SLC10A4: variants seen among roughly 807,000 people sequenced by gnomAD.
SLC10A4 encodes solute carrier family 10 member 4.
A neutral mutation model predicts 22.5 loss-of-function variants in SLC10A4; 17 were observed. The observed-to-expected ratio is 0.76, with a 90% CI of 0.52 to 1.14. The LOEUF is 1.14. SLC10A4 is among the 50% of genes most tolerant of loss of function. SLC10A4 has a pLI of 0.00. For missense variants in SLC10A4, 548 were observed against 584.0 expected, an observed-to-expected ratio of 0.94 and a Z score of 0.64; for synonymous variants, 257 against 258.2, an observed-to-expected ratio of 1.00 and a Z score of 0.04.
rs1378132287 is a variant in SLC10A4, at chr4:48,483,710, TCGGGCC to T, written c.150_155del (p.Gly53_Pro54del). ...GCCGGCCCCGGCCCTGGGCTCAGCC[TCGGGCC>T]GGGTCCGAGCTTCGGCTTCAGCCCC... On this transcript the variant is annotated inframe_deletion, in exon 1 of 3. Transcript: ENST00000273861. This position sits in a 1 kb window ranked among gnomAD's most constrained non-coding sequence, Gnocchi z 5.4. The T allele has an allele frequency of 7.0e-7, 1 of 1,430,474 alleles. No homozygotes were observed. Among genetic ancestry groups the T allele is most frequent in the Non-Finnish European group, 9.1e-7 (1 of 1,100,534 alleles). The allele number at this position is 1,430,474 out of a possible 1,614,324, so 88.6% of individuals were successfully genotyped here.
In SLC10A4 at chr4:48,489,304, G is replaced by T; in HGVS notation, c.*365G>T. The T allele has an allele frequency of 1.2e-5, 2 of 171,670 alleles. No homozygotes were observed. Among genetic ancestry groups the T allele is most frequent in the East Asian group, 1.6e-4 (1 of 6,156 alleles). The allele number at this position is 171,670 out of a possible 1,614,324, so 10.6% of individuals were successfully genotyped here. ...CAAGCTATCTTTGTAAAGCATAATTGAGTTTAATGTAATTGTTGTAAAAAA... is the reference window on the plus strand; with the variant it reads ...CAAGCTATCTTTGTAAAGCATAATTTAGTTTAATGTAATTGTTGTAAAAAA... On this transcript the variant is annotated 3_prime_UTR_variant, in exon 3 of 3. Coordinates refer to ENST00000273861, the MANE Select transcript of SLC10A4 (RefSeq NM_152679.4).
At chr4:48,485,230 C>G (rs1436065655) in intron 2 of SLC10A4, 88 bp downstream of exon 2, 3 of 1,380,714 alleles carry the variant, frequency 2.2e-6, no homozygotes, top group East Asian at 2.3e-5. Context: ...TTGGAGAAGG[C>G]GGAAAGGAAG....
In SLC10A4 at chr4:48,488,521, C is replaced by G; in HGVS notation, c.896C>G (p.Ala299Gly). Reference sequence around the variant, plus strand: ...GAACTGCTGGCAAGTATCCCTGCAGCTGTTTATGTGATAGCAATTTTTATG... The same window carrying G: ...GAACTGCTGGCAAGTATCCCTGCAGGTGTTTATGTGATAGCAATTTTTATG... ...GPELLASIPA[A>G]VYVIAIFMPL... The change falls in exon 3 of 3, where the codon GCT becomes GGT. Residue 299 changes from alanine to glycine, a missense_variant. Physicochemically the swap from Ala to Gly is moderately conservative, Grantham distance 60. This residue lies in a region of SLC10A4 where 314 missense variants were observed against 353.2 expected (regional missense o/e 0.89). Coordinates refer to ENST00000273861, the MANE Select transcript of SLC10A4 (RefSeq NM_152679.4). 6.2e-7 allele frequency: 1 copy of G among 1,613,864 alleles called. No individual in the cohort carries two copies. The highest frequency in any genetic ancestry group is 8.5e-7 in the Non-Finnish European group (1 of 1,179,984).
Position 48,485,037 on chromosome 4 carries a change from A to G in SLC10A4, c.696A>G (p.Leu232=). 1 of 1,613,644 alleles carries G rather than the reference A, an allele frequency of 6.2e-7. No homozygotes were observed. The highest frequency in any genetic ancestry group is 8.5e-7 in the Non-Finnish European group (1 of 1,179,938). Residue 232 remains leucine, a synonymous_variant, in exon 2 of 3, where the codon CTA becomes CTG. Coordinates refer to ENST00000273861, the MANE Select transcript of SLC10A4 (RefSeq NM_152679.4). ...AWINTPIVQL[L]PLGTVTLTLC... ...TCAACACCCCTATCGTGCAGTTACT[A>G]CCCCTAGGGACCGTGACCCTGACTC...
chr4:48,487,788 CTTTTTTTTTT>C (rs35831946), intron 2 of SLC10A4, among the ~76,000 whole-genome samples: 9 of 39,798 alleles, frequency 2.3e-4, no homozygotes, highest in East Asian at 7.8e-4. Flanking sequence ...TTTTGAAGAG[CTTTTTTTTTT>C]TTTTTTTTTT....
intron 2 of SLC10A4, among the ~76,000 whole-genome samples, chr4:48,486,114 G>A (rs1342624595): frequency 6.6e-6 from 1 of 152,020 alleles, no homozygotes; most frequent in East Asian, 1.9e-4. Context: ...CCACCCTAAT[G>A]TTTCAATTAT....
At position 48,488,753 on chromosome 4, in the gene SLC10A4, G is replaced by T. The variant is rs1335419928; in HGVS notation, c.1128G>T (p.Gly376=). 6.2e-7 allele frequency: 1 copy of T among 1,613,896 alleles called. No homozygotes were observed. The highest frequency in any genetic ancestry group is 1.3e-5 in the African/African-American group (1 of 74,926). Residue 376 remains glycine, a synonymous_variant, in exon 3 of 3, where the codon GGG becomes GGT. Transcript: ENST00000273861. ...LYALFQSAEA[G]IFVLIYKMYG... Reference sequence around the variant, plus strand: ...CACTTTTCCAGTCTGCAGAAGCGGGGATTTTTGTTTTAATCTATAAAATGT... The same window carrying T: ...CACTTTTCCAGTCTGCAGAAGCGGGTATTTTTGTTTTAATCTATAAAATGT...
Position 48,488,612 on chromosome 4 carries a change from G to A in SLC10A4, c.987G>A (p.Lys329=). The change falls in exon 3 of 3, where the codon AAG becomes AAA. Residue 329 remains lysine, a synonymous_variant. Transcript: ENST00000273861. ...ATLFHLPPNC[K]RTVCLETGSQ... ...TCTTCCATCTTCCACCCAACTGCAA[G>A]AGGACTGTATGTCTGGAAACAGGTA... 3.7e-6 allele frequency: 6 copies of A among 1,614,108 alleles called. No homozygotes were observed. The highest frequency in any genetic ancestry group is 2.2e-5 in the South Asian group (2 of 91,074).
At position 48,483,384 on chromosome 4, in the gene SLC10A4, G is replaced by T; in HGVS notation, c.-178G>T. The T allele has an allele frequency of 5.6e-6, 2 of 356,922 alleles. No individual in the cohort carries two copies. The highest frequency in any genetic ancestry group is 9.7e-6 in the Non-Finnish European group (2 of 206,236). 22.1% of individuals were successfully genotyped at this position (356,922 alleles called of 1,614,324 possible). On this transcript the variant is annotated 5_prime_UTR_variant, in exon 1 of 3. Transcript: ENST00000273861. This position sits in a 1 kb window ranked among gnomAD's most constrained non-coding sequence, Gnocchi z 5.4. ...TGCGCGGAGTGCCAGGCTGCGGGCG[G>T]CTGCAGACCTGGGAGCGGAGACCGG...
rs1718214900 is a variant in SLC10A4 at position 48,483,433 on chromosome 4, G to A, written c.-129G>A. ...GGCCCGCCGCCCCCGACGCCGCCGAGCACGTCAGCGGCGCGCAGCCGGGGC... is the reference window on the plus strand; with the variant it reads ...GGCCCGCCGCCCCCGACGCCGCCGAACACGTCAGCGGCGCGCAGCCGGGGC... On this transcript the variant is annotated 5_prime_UTR_variant, in exon 1 of 3. Transcript: ENST00000273861. The surrounding 1 kb of genome is among the most constrained non-coding windows in gnomAD (Gnocchi z 5.4). 2 of 654,602 alleles carry A rather than the reference G, an allele frequency of 3.1e-6. No individual in the cohort carries two copies. Among genetic ancestry groups the A allele is most frequent in the East Asian group, 7.4e-5 (2 of 26,944 alleles). The allele number at this position is 654,602 out of a possible 1,614,324, so 40.5% of individuals were successfully genotyped here. A position where few individuals can be genotyped will look rare whatever the true frequency, so the allele number is the denominator to read the frequency against.
At position 48,485,116 on chromosome 4, in the gene SLC10A4, A is replaced by T. The variant is rs755806696; in HGVS notation, c.775A>T (p.Ser259Cys). Reference protein sequence around the residue: ...GLGVFIRYKYSRVADYIVKVS... With the variant: ...GLGVFIRYKYCRVADYIVKVS... ...GGGCGTCTTCATTCGCTACAAATAC[A>T]GCCGGGTGGCTGACTACATTGTGAA... The change falls in exon 2 of 3, where the codon AGC becomes TGC. Residue 259 changes from serine to cysteine, a missense_variant. Physicochemically the swap from Ser to Cys is moderately radical, Grantham distance 112. Transcript: ENST00000273861. The T allele has an allele frequency of 2.5e-6, 4 of 1,614,112 alleles. No homozygotes were observed. Among genetic ancestry groups the T allele is most frequent in the Non-Finnish European group, 3.4e-6 (4 of 1,180,016 alleles).
chr4:48,488,338 C>A, intron 2 of SLC10A4, 89 bp from the exon 3 acceptor site: 2 of 1,171,490 alleles, frequency 1.7e-6, no homozygotes, highest in Non-Finnish European at 2.4e-6. Context: ...TGTTGGAGAG[C>A]ATACTAGATG....
chr4:48,486,958 G>A (rs1424174669), intron 2 of SLC10A4, among the ~76,000 whole-genome samples: 1 of 151,984 alleles, frequency 6.6e-6, no homozygotes, highest in Non-Finnish European at 1.5e-5. Flanking sequence ...CTGCAAAAGG[G>A]ATATCCCAGC....
intron 2 of SLC10A4, 60 bp from the exon 3 acceptor site, chr4:48,488,367 C>T: frequency 6.9e-7 from 1 of 1,458,186 alleles, no homozygotes; most frequent in Non-Finnish European, 9.2e-7. Flanking sequence ...CTTCCGTGAG[C>T]TTAGGATTCT....
At chr4:48,485,229 G>C in intron 2 of SLC10A4, 87 bp downstream of exon 2, 1 of 1,405,628 alleles carries the variant, frequency 7.1e-7, no homozygotes, top group Middle Eastern at 1.8e-4. Context: ...TTTGGAGAAG[G>C]CGGAAAGGAA....
chr4:48,484,202 T>G, intron 1 of SLC10A4, 51 bp downstream of exon 1: 8 of 1,475,632 alleles, frequency 5.4e-6, no homozygotes, highest in Non-Finnish European at 7.3e-6. Context: ...GACGCGCGTT[T>G]ACGGCCGTGG....
intron 2 of SLC10A4, among the ~76,000 whole-genome samples, chr4:48,487,014 T>C (rs1178095280): frequency 6.6e-6 from 1 of 152,178 alleles, no homozygotes; most frequent in African/African-American, 2.4e-5. Flanking sequence ...TCTCTGGCTC[T>C]AGTTTCCTTT....
Position 48,483,737 on chromosome 4 carries a change from GC to G in SLC10A4, c.180del (p.Gly61AlafsTer41). On this transcript the variant is annotated frameshift_variant, in exon 1 of 3. Transcript: ENST00000273861. LOFTEE classifies it high-confidence loss of function. This position sits in a 1 kb window ranked among gnomAD's most constrained non-coding sequence, Gnocchi z 5.4. ...GGGCCGGGTCCGAGCTTCGGCTTCA[GC>G]CCCGGCCCCACTCCGACCCCGGAGC... is the stretch of plus-strand genomic sequence containing the variant. The part of the protein sequence containing the change: ...SLGPGPSFGF[S>X]PGPTPTPEPT... 1 of 1,450,760 alleles carries G rather than the reference GC, an allele frequency of 6.9e-7. No individual in the cohort carries two copies. Among genetic ancestry groups the G allele is most frequent in the Non-Finnish European group, 9.0e-7 (1 of 1,109,630 alleles). 89.9% of individuals were successfully genotyped at this position (1,450,760 alleles called of 1,614,324 possible).
chr4:48,486,490 A>T (rs191382263), intron 2 of SLC10A4, among the ~76,000 whole-genome samples: 1 of 149,676 alleles, frequency 6.7e-6, no homozygotes, highest in Admixed American at 6.7e-5. Context: ...AAAACAAGAA[A>T]TATATTTAAA....
Sources: allele counts gnomAD v4.1 joint callset (sites outside exome capture counted in the v4.1 genomes callset), GRCh38; gene constraint gnomAD v4.1.1; regional missense constraint gnomAD v4.1.1; non-coding constraint Gnocchi (gnomAD v3.1); transcripts MANE v1.5; gene names NCBI Gene and HGNC (gene_info 2026-07-23, HGNC 2026-07-21).